The following TMEM163 variants were observed in gnomAD, a reference collection of about 807,000 sequenced individuals.
TMEM163 encodes the protein transmembrane protein 163.
In TMEM163, 17 loss-of-function variants were observed where a neutral mutation model predicts 29.3. The observed-to-expected ratio is 0.58, with a 90% CI of 0.40 to 0.87. The LOEUF (loss-of-function observed/expected upper bound fraction) is 0.87. TMEM163 is among the 40% of genes least tolerant of loss of function. The probability of loss-of-function intolerance (pLI) is 0.00; values close to 1 mark genes in which losing one functional copy is unlikely to be tolerated. For missense variants in TMEM163, 303 were observed against 381.5 expected, an observed-to-expected ratio of 0.79 and a Z score of 1.71; for synonymous variants, 157 against 160.6, an observed-to-expected ratio of 0.98 and a Z score of 0.17.
chr2:134,605,627 G>A (rs1373061156), intron 2 of TMEM163, among the ~76,000 whole-genome samples: 2 of 151,820 alleles, frequency 1.3e-5, no homozygotes, highest in Non-Finnish European at 2.9e-5. Flanking sequence ...GAACCCGGGA[G>A]GTGAGCTGAG....
rs1680894108 is a variant in TMEM163, at chr2:134,550,590, G to A, written c.438C>T (p.His146=). Residue 146 remains histidine, a synonymous_variant, in exon 4 of 8, where the codon CAC becomes CAT. Coordinates refer to ENST00000281924, the MANE Select transcript of TMEM163 (RefSeq NM_030923.5). ...LWRYSNAAAV[H]SAHREYIACV... The stretch of plus-strand genomic sequence containing the variant: ...CTTACATGTACTCCCTATGGGCAGA[G>A]TGCACAGCGGCCGCGTTGCTGTAAC... The A allele has an allele frequency of 1.9e-6, 3 of 1,614,164 alleles. No homozygotes were observed. Among genetic ancestry groups the A allele is most frequent in the Non-Finnish European group, 2.5e-6 (3 of 1,180,004 alleles).
chr2:134,656,398 G>T (rs1683614520), intron 2 of TMEM163, among the ~76,000 whole-genome samples: 1 of 151,740 alleles, frequency 6.6e-6, no homozygotes. Context: ...GCCTTGCCCT[G>T]CTTCGGCTCG....
At chr2:134,629,455 A>T (rs1487250506) in intron 2 of TMEM163, among the ~76,000 whole-genome samples, 1 of 152,196 alleles carries the variant, frequency 6.6e-6, no homozygotes, top group East Asian at 1.9e-4. Context: ...TATATTAATG[A>T]TATAATTTTT....
intron 2 of TMEM163, among the ~76,000 whole-genome samples, chr2:134,600,639 A>G (rs1322648474): frequency 6.6e-6 from 1 of 152,162 alleles, no homozygotes; most frequent in Non-Finnish European, 1.5e-5. Flanking sequence ...TGATGGGGTC[A>G]TTAGGGGGAA....
At chr2:134,504,480 C>A (rs563899) in intron 4 of TMEM163, among the ~76,000 whole-genome samples, 60,011 of 151,090 alleles carry the variant, frequency 0.4, 12,161 homozygotes, top group South Asian at 0.59. Context: ...GAGGATCTTA[C>A]CTGGGAGAAC....
At chr2:134,461,033 C>T (rs1686522598) in intron 6 of TMEM163, among the ~76,000 whole-genome samples, 1 of 152,200 alleles carries the variant, frequency 6.6e-6, no homozygotes, top group African/African-American at 2.4e-5. Context: ...AGGGCCTTCC[C>T]AATCCGTCAT....
chr2:134,700,734 A>G (rs1684681064), intron 2 of TMEM163, among the ~76,000 whole-genome samples: 1 of 151,948 alleles, frequency 6.6e-6, no homozygotes, highest in Non-Finnish European at 1.5e-5. Flanking sequence ...CCCCATCTCT[A>G]CTAAAAATAC....
chr2:134,581,889 A>C (rs1418202617), intron 2 of TMEM163, among the ~76,000 whole-genome samples: 1 of 152,198 alleles, frequency 6.6e-6, no homozygotes, highest in Non-Finnish European at 1.5e-5. Context: ...CTCCATGTTA[A>C]ATATTCCATC....
intron 4 of TMEM163, among the ~76,000 whole-genome samples, chr2:134,504,818 G>A (rs959390284): frequency 1.3e-5 from 2 of 152,208 alleles, no homozygotes; most frequent in East Asian, 1.9e-4. Context: ...CAGTCCTAAC[G>A]CTGGAATCAG....
intron 2 of TMEM163, among the ~76,000 whole-genome samples, chr2:134,585,206 G>C (rs1681787255): frequency 6.6e-6 from 1 of 152,066 alleles, no homozygotes; most frequent in Admixed American, 6.6e-5. Context: ...TCACTGTGTT[G>C]TCCAAGCCAG....
chr2:134,708,403 AAAG>A (rs1684861762), intron 2 of TMEM163, among the ~76,000 whole-genome samples: 1 of 152,180 alleles, frequency 6.6e-6, no homozygotes, highest in African/African-American at 2.4e-5. Flanking sequence ...TTAGAAAGAA[AAAG>A]AATAAAAACA....
chr2:134,661,186 A>G (rs1332670048), intron 2 of TMEM163, among the ~76,000 whole-genome samples: 2 of 129,930 alleles, frequency 1.5e-5, no homozygotes, highest in African/African-American at 3.0e-5. Context: ...TCTCTCTCCC[A>G]TGAGATGTGA....
rs185066060 is a variant in TMEM163, at chr2:134,526,737, G to T, written c.459-23740C>A. Reference sequence around the variant, plus strand: ...GAAAATAGCCCGGCAATGCAGTGCAGGCTGACAGGTCCTCTTACAGAACCA... The same window carrying T: ...GAAAATAGCCCGGCAATGCAGTGCATGCTGACAGGTCCTCTTACAGAACCA... On this transcript the variant is annotated intron_variant, in intron 4 of 7. Coordinates refer to ENST00000281924, the MANE Select transcript of TMEM163 (RefSeq NM_030923.5). Among the ~76,000 whole-genome samples the T allele has an allele frequency of 3.5e-3, 538 of 152,246 alleles. 3 individuals are homozygous for T. The highest frequency in any genetic ancestry group is 0.01 in the Middle Eastern group (3 of 294).
intron 2 of TMEM163, among the ~76,000 whole-genome samples, chr2:134,697,331 C>T (rs1684604293): frequency 6.6e-6 from 1 of 152,098 alleles, no homozygotes; most frequent in Non-Finnish European, 1.5e-5. Context: ...GCCTAATTTA[C>T]CAGTTACAAT....
Position 134,655,807 on chromosome 2 carries a change from G to A in TMEM163, c.322+57393C>T, listed in dbSNP as rs1020455762. Among the ~76,000 whole-genome samples, 450 of 141,646 alleles carry A rather than the reference G, an allele frequency of 3.2e-3. 76 individuals are homozygous for A. Among genetic ancestry groups the A allele is most frequent in the African/African-American group, 0.012 (412 of 34,104 alleles). 92.9% of individuals were successfully genotyped at this position (141,646 alleles called of 152,430 possible). A position where few individuals can be genotyped will look rare whatever the true frequency, so the allele number is the denominator to read the frequency against. Reference sequence around the variant, plus strand: ...TGCAGGTCTGTTGGAATACCCTGCCGTGTGAGGTGTCAGTCTGCCCCTGCT... The same window carrying A: ...TGCAGGTCTGTTGGAATACCCTGCCATGTGAGGTGTCAGTCTGCCCCTGCT... On this transcript the variant is annotated intron_variant, in intron 2 of 7. Transcript: ENST00000281924.
At chr2:134,529,616 G>A (rs1026449806) in intron 4 of TMEM163, among the ~76,000 whole-genome samples, 16 of 151,824 alleles carry the variant, frequency 1.1e-4, no homozygotes, top group African/African-American at 3.4e-4. Flanking sequence ...GGCCGGGCAT[G>A]GTGGTACACA....
At chr2:134,554,296 T>G (rs1680998390) in intron 2 of TMEM163, among the ~76,000 whole-genome samples, 1 of 151,504 alleles carries the variant, frequency 6.6e-6, no homozygotes, top group South Asian at 2.1e-4. Flanking sequence ...CGTGGTGGCG[T>G]GTGCCTGTAG....
chr2:134,522,487 C>T (rs1020107470), intron 4 of TMEM163, among the ~76,000 whole-genome samples: 1 of 152,244 alleles, frequency 6.6e-6, no homozygotes. Context: ...AGTGCTAGCA[C>T]TTTAAGGCCT....
intron 2 of TMEM163, among the ~76,000 whole-genome samples, chr2:134,592,055 GAGA>G (rs1457519029): frequency 1.3e-5 from 2 of 152,222 alleles, no homozygotes; most frequent in Middle Eastern, 3.2e-3. Flanking sequence ...GGCAGCGAGG[GAGA>G]AGGAGAGTGT....
Sources: allele counts gnomAD v4.1 joint callset (sites outside exome capture counted in the v4.1 genomes callset), GRCh38; gene constraint gnomAD v4.1.1; transcripts MANE v1.5; gene names NCBI Gene and HGNC (gene_info 2026-07-23, HGNC 2026-07-21).